The following KIAA0825 variants were observed in gnomAD, a reference collection of about 807,000 sequenced individuals.
KIAA0825 encodes the protein KIAA0825, also known as uncharacterized protein KIAA0825.
A neutral mutation model predicts 147.6 loss-of-function variants in KIAA0825; 119 were observed. The observed-to-expected ratio is 0.81, with a 90% CI of 0.69 to 0.94. KIAA0825 has a LOEUF of 0.94. Among genes scored for constraint, KIAA0825 ranks in the 40% least tolerant of loss-of-function variants. The probability of loss-of-function intolerance (pLI) is 0.00; values close to 1 mark genes in which losing one functional copy is unlikely to be tolerated. For synonymous variants in KIAA0825, 470 were observed against 518.1 expected (o/e 0.91, Z 1.26); for missense variants, 1,381 against 1,472.7 (o/e 0.94, Z 1.02).
intron 12 of KIAA0825, among the ~76,000 whole-genome samples, chr5:94,460,134 C>T (rs1034784620): frequency 6.6e-6 from 1 of 152,230 alleles, no homozygotes; most frequent in African/African-American, 2.4e-5. Context: ...TATGAAACCA[C>T]TGTGTGGGGA....
chr5:94,519,428 T>C (rs1476616910), intron 5 of KIAA0825: 23 of 919,422 alleles, frequency 2.5e-5, no homozygotes, highest in Non-Finnish European at 2.7e-5. Context: ...ATCCTATTTT[T>C]ACCCTGATTT....
intron 2 of KIAA0825, among the ~76,000 whole-genome samples, chr5:94,581,895 C>T (rs996440046): frequency 5.3e-5 from 8 of 152,210 alleles, no homozygotes; most frequent in Admixed American, 2.6e-4. Context: ...ATAAATTATT[C>T]GTCTTTTCCC....
intron 20 of KIAA0825, among the ~76,000 whole-genome samples, chr5:94,295,866 G>T (rs558074618): frequency 6.6e-6 from 1 of 152,184 alleles, no homozygotes; most frequent in Non-Finnish European, 1.5e-5. Flanking sequence ...GTTTACCCCT[G>T]CTGGGAGATG....
chr5:94,457,827 T>C (rs191098059), intron 12 of KIAA0825, among the ~76,000 whole-genome samples: 1 of 152,302 alleles, frequency 6.6e-6, no homozygotes, highest in East Asian at 1.9e-4. Flanking sequence ...GGTCTCATAA[T>C]ACGATGTTAA....
chr5:94,570,846 C>T (rs1311340051), intron 2 of KIAA0825, among the ~76,000 whole-genome samples: 1 of 152,116 alleles, frequency 6.6e-6, no homozygotes. Context: ...ATTTGAGTAC[C>T]ACCCAAGTAT....
At position 94,396,409 on chromosome 5, in the gene KIAA0825, CA is replaced by C. The variant is rs1272930594; in HGVS notation, c.2987del (p.Leu996ArgfsTer13). ...ATTTTTTTGACATTTTTCTCTCAGA[CA>C]GAAAAAAGAAGTATTTAACTGGGGG... is the stretch of plus-strand genomic sequence containing the variant. ...LPPPVKYFFF[L>X]SERKMSKKFV... is the part of the protein sequence containing the mutation. On this transcript the variant is annotated frameshift_variant, in exon 17 of 21. Transcript: ENST00000682413. LOFTEE classifies it high-confidence loss of function. 1.3e-6 allele frequency: 2 copies of C among 1,549,446 alleles called. No individual in the cohort carries two copies. The highest frequency in any genetic ancestry group is 1.7e-6 in the Non-Finnish European group (2 of 1,146,372).
At chr5:94,386,212 T>C in intron 19 of KIAA0825, 30 bp downstream of exon 19, 2 of 1,523,090 alleles carry the variant, frequency 1.3e-6, no homozygotes, top group Non-Finnish European at 1.8e-6. Flanking sequence ...AAACCACACA[T>C]TTAAATTAAA....
chr5:94,480,278 T>C (rs1273993860), intron 6 of KIAA0825, among the ~76,000 whole-genome samples: 1 of 152,114 alleles, frequency 6.6e-6, no homozygotes, highest in African/African-American at 2.4e-5. Context: ...TGTTTCTACA[T>C]TTTCTAAATT....
chr5:94,156,475 G>A (rs1767040244), intron 20 of KIAA0825, among the ~76,000 whole-genome samples: 1 of 152,150 alleles, frequency 6.6e-6, no homozygotes, highest in Admixed American at 6.5e-5. Context: ...TTTTATGAAT[G>A]TCAACAGAAT....
intron 20 of KIAA0825, among the ~76,000 whole-genome samples, chr5:94,171,233 G>C (rs769385438): frequency 5.3e-5 from 8 of 152,132 alleles, no homozygotes; most frequent in Non-Finnish European, 1.0e-4. Context: ...CACAAGGTCA[G>C]ATGGTTTTAA....
At chr5:94,604,780 T>C (rs1787178173) in intron 1 of KIAA0825, among the ~76,000 whole-genome samples, 2 of 152,078 alleles carry the variant, frequency 1.3e-5, no homozygotes, top group Admixed American at 1.3e-4. Flanking sequence ...ACTAAATGCC[T>C]ACATCAAAAA....
chr5:94,193,322 C>A (rs1416730645), intron 20 of KIAA0825, among the ~76,000 whole-genome samples: 1 of 152,152 alleles, frequency 6.6e-6, no homozygotes, highest in Non-Finnish European at 1.5e-5. Flanking sequence ...AGTCACACAG[C>A]TAATAATAAT....
Position 94,592,847 on chromosome 5 carries a change from C to A in KIAA0825, c.-152-10264G>T, listed in dbSNP as rs535428786. ...AGAGCTATTTGTCCATTCTCCTGGACTGTGTTTCAATTTCGACTCATCAGT... is the reference window on the plus strand; with the variant it reads ...AGAGCTATTTGTCCATTCTCCTGGAATGTGTTTCAATTTCGACTCATCAGT... On this transcript the variant is annotated intron_variant, in intron 1 of 20. Coordinates refer to ENST00000682413, the MANE Select transcript of KIAA0825 (RefSeq NM_001145678.3). The A allele has an allele frequency of 1.3e-3, 718 of 572,478 alleles. 10 individuals are homozygous for A. Among genetic ancestry groups the A allele is most frequent in the South Asian group, 9.1e-3 (556 of 61,092 alleles). 35.5% of individuals were successfully genotyped at this position (572,478 alleles called of 1,614,324 possible).
chr5:94,613,584 G>T (rs1016172780), intron 1 of KIAA0825, among the ~76,000 whole-genome samples: 12 of 152,234 alleles, frequency 7.9e-5, no homozygotes, highest in African/African-American at 2.9e-4. Context: ...GCCAGGTGCA[G>T]TACCTGTCAT....
chr5:94,468,868 G>A (rs1760874051), intron 10 of KIAA0825, among the ~76,000 whole-genome samples: 1 of 152,116 alleles, frequency 6.6e-6, no homozygotes, highest in South Asian at 2.1e-4. Context: ...CTAGAGGAAA[G>A]GGTAAAATGG....
chr5:94,183,082 A>C (rs1281931548), intron 20 of KIAA0825, among the ~76,000 whole-genome samples: 8 of 152,174 alleles, frequency 5.3e-5, no homozygotes, highest in Non-Finnish European at 1.2e-4. Flanking sequence ...CTACCAAAAA[A>C]ATTCTGTACA....
chr5:94,560,121 C>T (rs925535219), intron 2 of KIAA0825, among the ~76,000 whole-genome samples: 10 of 152,182 alleles, frequency 6.6e-5, no homozygotes, highest in Admixed American at 1.3e-4. Flanking sequence ...TCTTCTCTCC[C>T]TCCTATAACT....
intron 5 of KIAA0825, among the ~76,000 whole-genome samples, chr5:94,487,561 A>G (rs1055326911): frequency 2.0e-5 from 3 of 152,210 alleles, no homozygotes; most frequent in Non-Finnish European, 2.9e-5. Context: ...TATCTGCCTA[A>G]GCGTATGTTT....
At chr5:94,534,633 T>C (rs1473130725) in intron 3 of KIAA0825, among the ~76,000 whole-genome samples, 1 of 152,166 alleles carries the variant, frequency 6.6e-6, no homozygotes, top group Non-Finnish European at 1.5e-5. Context: ...TTTGACCTAA[T>C]AACTATTTTT....
Sources: gnomAD v4.1 joint callset for allele counts (sites outside exome capture counted in the v4.1 genomes callset) on GRCh38, gnomAD v4.1.1 for gene constraint, MANE v1.5 for transcripts, NCBI Gene and HGNC (gene_info 2026-07-23, HGNC 2026-07-21) for gene names.